ANKIB1: variants seen among roughly 807,000 people sequenced by gnomAD.
The protein encoded by ANKIB1 is ankyrin repeat and IBR domain containing 1, also known as ankyrin repeat and IBR domain-containing protein 1.
ANKIB1 carries 43 observed loss-of-function variants against 122.1 expected under a neutral mutation model. The observed-to-expected ratio is 0.35, with a 90% CI of 0.28 to 0.45. The LOEUF (loss-of-function observed/expected upper bound fraction) is 0.45, where lower values mean the gene tolerates loss of function less well. Ranked by LOEUF, ANKIB1 falls within the 20% of genes least tolerant of loss-of-function variation. ANKIB1 has a pLI of 1.00. For missense variants in ANKIB1, 992 were observed against 1,329.5 expected (o/e 0.75, Z 3.95); for synonymous variants, 390 against 442.0 (o/e 0.88, Z 1.48).
chr7:92,387,626 A>C (rs1279803220), intron 12 of ANKIB1, among the ~76,000 whole-genome samples, 172 bp from the exon 13 acceptor site: 2 of 150,320 alleles, frequency 1.3e-5, no homozygotes, highest in Admixed American at 1.3e-4. Flanking sequence ...ACACAGCGAG[A>C]CTCCGTCTCA....
chr7:92,358,469 C>T (rs1465915790), intron 9 of ANKIB1, among the ~76,000 whole-genome samples: 1 of 151,526 alleles, frequency 6.6e-6, no homozygotes, highest in Non-Finnish European at 1.5e-5. Flanking sequence ...CCTTCTTTTG[C>T]TATTTAATAC....
At chr7:92,283,531 C>T (rs1356099421) in intron 1 of ANKIB1, among the ~76,000 whole-genome samples, 2 of 152,142 alleles carry the variant, frequency 1.3e-5, no homozygotes, top group Non-Finnish European at 2.9e-5. Flanking sequence ...TTTGCACATA[C>T]TTCCAGTATA....
At chr7:92,330,554 T>C (rs1803149650) in intron 5 of ANKIB1, among the ~76,000 whole-genome samples, 3 of 152,044 alleles carry the variant, frequency 2.0e-5, no homozygotes, top group African/African-American at 4.8e-5. Flanking sequence ...AAAAACAAAA[T>C]ATTTTTGGCC....
chr7:92,284,137 C>G (rs1802066372), intron 1 of ANKIB1, among the ~76,000 whole-genome samples: 1 of 152,166 alleles, frequency 6.6e-6, no homozygotes, highest in African/African-American at 2.4e-5. Context: ...GACATTTAAA[C>G]TGTACCTTAA....
rs765326035 is a variant in ANKIB1 at position 92,261,348 on chromosome 7, CA to C, written c.-91+14847del. Among the ~76,000 whole-genome samples the C allele has an allele frequency of 3.1e-3, 199 of 63,730 alleles. 1 individual carries two copies. Among genetic ancestry groups the C allele is most frequent in the East Asian group, 4.9e-3 (11 of 2,238 alleles). The allele number at this position is 63,730 out of a possible 152,430, so 41.8% of individuals were successfully genotyped here. A position where few individuals can be genotyped will look rare whatever the true frequency, so the allele number is the denominator to read the frequency against. Reference sequence around the variant, plus strand: ...TGGGCGACAGAGCGAGACTCCGTCTCAAAAAAAAAAAAAAAAAAGAAAAGAA... The same window carrying C: ...TGGGCGACAGAGCGAGACTCCGTCTCAAAAAAAAAAAAAAAAAGAAAAGAA... On this transcript the variant is annotated intron_variant, in intron 1 of 19. Transcript: ENST00000265742.
chr7:92,267,169 G>T (rs1801688584), intron 1 of ANKIB1, among the ~76,000 whole-genome samples: 1 of 152,226 alleles, frequency 6.6e-6, no homozygotes, highest in Non-Finnish European at 1.5e-5. Context: ...TTAAGGTGTA[G>T]TAGCTACGTG....
chr7:92,362,024 T>G (rs1051149838), intron 9 of ANKIB1, among the ~76,000 whole-genome samples, 161 bp from the exon 10 acceptor site: 4 of 152,182 alleles, frequency 2.6e-5, no homozygotes, highest in Non-Finnish European at 5.9e-5. Context: ...TTGGCCAGGC[T>G]GGTCTCGAAC....
At chr7:92,329,042 A>G (rs911899046) in intron 5 of ANKIB1, among the ~76,000 whole-genome samples, 6 of 148,478 alleles carry the variant, frequency 4.0e-5, no homozygotes, top group Non-Finnish European at 8.9e-5. Flanking sequence ...ATCTTGGCTC[A>G]CTACAACCTC....
intron 1 of ANKIB1, among the ~76,000 whole-genome samples, chr7:92,253,240 A>G (rs1801367907): frequency 6.6e-6 from 1 of 152,212 alleles, no homozygotes; most frequent in African/African-American, 2.4e-5. Flanking sequence ...GCTTTGCATT[A>G]GCCTGAATAT....
chr7:92,341,969 G>A (rs1803449528), intron 5 of ANKIB1, among the ~76,000 whole-genome samples: 1 of 151,646 alleles, frequency 6.6e-6, no homozygotes, highest in African/African-American at 2.4e-5. Context: ...TTCCCTACCT[G>A]GAAATATACT....
intron 11 of ANKIB1, among the ~76,000 whole-genome samples, chr7:92,376,717 A>G (rs1316503434): frequency 6.6e-6 from 1 of 152,024 alleles, no homozygotes; most frequent in African/African-American, 2.4e-5. Flanking sequence ...CCAGAGTGCT[A>G]GGATTACAGG....
chr7:92,283,869 C>G (rs1016049884), intron 1 of ANKIB1, among the ~76,000 whole-genome samples: 2 of 152,142 alleles, frequency 1.3e-5, no homozygotes, highest in African/African-American at 4.8e-5. Flanking sequence ...CTCCCTGGCT[C>G]AAGTCATCCT....
intron 9 of ANKIB1, 97 bp downstream of exon 9, chr7:92,352,739 A>G (rs1483439068): frequency 8.3e-7 from 1 of 1,202,548 alleles, no homozygotes; most frequent in Non-Finnish European, 1.2e-6. Context: ...ATTGTAGTAT[A>G]CTTGATAGTA....
intron 1 of ANKIB1, among the ~76,000 whole-genome samples, chr7:92,284,314 G>A (rs971820620): frequency 6.6e-6 from 1 of 152,060 alleles, no homozygotes; most frequent in Admixed American, 6.6e-5. Flanking sequence ...ATTACCTATG[G>A]GGAATGTAAA....
intron 9 of ANKIB1, among the ~76,000 whole-genome samples, chr7:92,353,933 C>G (rs916083081): frequency 1.3e-5 from 2 of 152,108 alleles, no homozygotes; most frequent in African/African-American, 4.8e-5. Flanking sequence ...AGAAGGAAAA[C>G]ATAAATTAGG....
intron 3 of ANKIB1, among the ~76,000 whole-genome samples, chr7:92,313,324 G>C (rs1469419802): frequency 6.6e-6 from 1 of 152,048 alleles, no homozygotes; most frequent in Non-Finnish European, 1.5e-5. Context: ...ACACTTCATT[G>C]AAAAGTCGTA....
intron 1 of ANKIB1, among the ~76,000 whole-genome samples, chr7:92,249,843 T>A (rs1177490842): frequency 6.6e-6 from 1 of 152,098 alleles, no homozygotes; most frequent in East Asian, 1.9e-4. Context: ...CAAAATATAT[T>A]TTATCTCCAT....
intron 1 of ANKIB1, among the ~76,000 whole-genome samples, chr7:92,255,698 C>G (rs188154472): frequency 8.2e-4 from 125 of 152,212 alleles, no homozygotes; most frequent in Middle Eastern, 3.4e-3. Context: ...GCTGATTTTG[C>G]TTTCTGTGCC....
chr7:92,252,605 T>C (rs974818603), intron 1 of ANKIB1, among the ~76,000 whole-genome samples: 1 of 152,118 alleles, frequency 6.6e-6, no homozygotes, highest in African/African-American at 2.4e-5. Context: ...TCTTATGTAT[T>C]AAAATTAAAA....
Sources: gnomAD v4.1 joint callset for allele counts (sites outside exome capture counted in the v4.1 genomes callset) on GRCh38, gnomAD v4.1.1 for gene constraint, MANE v1.5 for transcripts, NCBI Gene and HGNC (gene_info 2026-07-23, HGNC 2026-07-21) for gene names.